Variants in ARSL observed in about 807,000 individuals in gnomAD.
ARSL encodes the protein arylsulfatase E (chondrodysplasia punctata 1).
ARSL carries 4 observed loss-of-function variants against 31.1 expected under a neutral mutation model. The observed-to-expected ratio is 0.13, with a 90% CI of 0.06 to 0.29. ARSL has a LOEUF of 0.29. ARSL is among the 10% of genes least tolerant of loss of function. The pLI, the probability that ARSL is intolerant of heterozygous loss-of-function variation, is 1.00. For missense variants in ARSL, 312 were observed against 497.8 expected, an observed-to-expected ratio of 0.63 and a Z score of 3.55; for synonymous variants, 198 against 209.9, an observed-to-expected ratio of 0.94 and a Z score of 0.49.
chrX:2,952,364 G>A (rs1000206108), intron 5 of ARSL, among the ~76,000 whole-genome samples: 9 of 110,417 alleles, frequency 8.2e-5, no homozygotes, highest in African/African-American at 2.6e-4. Flanking sequence ...ACAGGGTTTC[G>A]CCATGCTGCC....
intron 10 of ARSL, 114 bp downstream of exon 10, chrX:2,936,628 A>G: frequency 1.9e-6 from 2 of 1,025,835 alleles, no homozygotes; most frequent in Non-Finnish European, 2.7e-6. Context: ...GTGCGGAGAC[A>G]TGGAGATGGA....
chrX:2,958,768 C>T lies in ARSL; in HGVS notation c.24-333G>A, dbSNP rs749700969. On this transcript the variant is annotated intron_variant, in intron 2 of 10. Coordinates refer to ENST00000381134, the MANE Select transcript of ARSL (RefSeq NM_000047.3). ...TTGTGAGGCTGCAGCGGGTGGATTG[C>T]TTTACCACAGGAGTTCAAGACCAGC... is the stretch of plus-strand genomic sequence containing the variant. 1.1e-4 allele frequency among the ~76,000 whole-genome samples: 12 copies of T among 111,353 alleles called. No homozygotes were observed. In the South Asian group the frequency reaches 1.1e-3, roughly 11 times the overall value.
Position 2,935,199 on chromosome X carries a change from A to C in ARSL, c.1412-9T>G, listed in dbSNP as rs747645218. On this transcript the variant is annotated splice_polypyrimidine_tract_variant and intron_variant, in intron 10 of 10. Coordinates refer to ENST00000381134, the MANE Select transcript of ARSL (RefSeq NM_000047.3). ...TTTCCACATTGTTCCTCCTGGTGGA[A>C]AGATAATCATTACAGAGTTGGCATA... 8.3e-7 allele frequency: 1 copy of C among 1,206,865 alleles called. No individual in the cohort carries two copies. The highest frequency in any genetic ancestry group is 1.1e-6 in the Non-Finnish European group (1 of 891,208).
intron 6 of ARSL, among the ~76,000 whole-genome samples, chrX:2,946,815 A>G (rs1246131436): frequency 9.0e-6 from 1 of 110,846 alleles, no homozygotes; most frequent in Non-Finnish European, 1.9e-5. Flanking sequence ...GATCACAGGC[A>G]TGCACCACAA....
chrX:2,955,593 A>G (rs1035447341), intron 3 of ARSL, 56 bp from the exon 4 acceptor site: 35 of 1,176,785 alleles, frequency 3.0e-5, no homozygotes, highest in Non-Finnish European at 3.9e-5. Flanking sequence ...GCTTTTCATA[A>G]GCATAGCTAC....
At chrX:2,944,718 T>C (rs984978342) in intron 7 of ARSL, among the ~76,000 whole-genome samples, 1 of 109,865 alleles carries the variant, frequency 9.1e-6, no homozygotes, top group Non-Finnish European at 1.9e-5. Flanking sequence ...ATACAGGTGC[T>C]CACCCAGCCC....
intron 2 of ARSL, among the ~76,000 whole-genome samples, chrX:2,960,139 G>A (rs755758447): frequency 1.2e-5 from 1 of 86,738 alleles, no homozygotes; most frequent in South Asian, 6.1e-4. Context: ...CGTGGTGGCA[G>A]GCGCCTGTAG....
At chrX:2,939,864 CTTTTTTT>C (rs35373572) in intron 8 of ARSL, among the ~76,000 whole-genome samples, 1 of 55,413 alleles carries the variant, frequency 1.8e-5, no homozygotes, top group Non-Finnish European at 3.2e-5. Context: ...ACCCTTCTAC[CTTTTTTT>C]TTTTTTTTTT....
At chrX:2,945,110 G>A (rs1263929712) in intron 7 of ARSL, among the ~76,000 whole-genome samples, 1 of 111,149 alleles carries the variant, frequency 9.0e-6, no homozygotes, top group African/African-American at 3.3e-5. Context: ...GGGAGAAGAT[G>A]ATTGGGGAGG....
At chrX:2,958,486 T>C in intron 2 of ARSL, 51 bp from the exon 3 acceptor site, 3 of 1,180,606 alleles carry the variant, frequency 2.5e-6, no homozygotes, top group Non-Finnish European at 3.5e-6. Context: ...AGAACTTGTG[T>C]ATGGGGGAAG....
At chrX:2,938,039 C>G (rs182684120) in intron 9 of ARSL, 56 bp downstream of exon 9, 10 of 1,204,944 alleles carry the variant, frequency 8.3e-6, no homozygotes, top group Non-Finnish European at 1.1e-5. Context: ...GTTCATTTGC[C>G]ATAAGTGTTG....
chrX:2,965,040 A>C (rs139892778), upstream of ARSL, among the ~76,000 whole-genome samples: 1,065 of 109,732 alleles, frequency 9.7e-3, 16 homozygotes, highest in African/African-American at 0.033. Flanking sequence ...GGGAGGTTGA[A>C]GCTGCAGTTT....
In ARSL at chrX:2,949,322, A is replaced by G. The variant is rs1258981302; in HGVS notation, c.836T>C (p.Val279Ala). 8.3e-7 allele frequency: 1 copy of G among 1,209,199 alleles called. No homozygotes were observed. Among genetic ancestry groups the G allele is most frequent in the Non-Finnish European group, 1.1e-6 (1 of 895,135 alleles). Reference protein sequence around the residue: ...QRTTPLILQEVASFLKRNKHG... With the variant: ...QRTTPLILQEAASFLKRNKHG... ...TGCTGACCTTTTGAGAAAGGACGCA[A>G]CCTCCTGCAGAATAAGGGGTGTCGT... The change falls in exon 6 of 11, where the codon GTT becomes GCT. Residue 279 changes from valine (V) to alanine (A), a missense_variant. Coordinates refer to ENST00000381134, the MANE Select transcript of ARSL (RefSeq NM_000047.3).
chrX:2,949,459 C>A lies in ARSL; in HGVS notation c.699G>T (p.Ser233=), dbSNP rs765024303. 1 of 1,208,910 alleles carries A rather than the reference C, an allele frequency of 8.3e-7. No individual in the cohort carries two copies. The highest frequency in any genetic ancestry group is 1.8e-5 in the African/African-American group (1 of 56,854). The change falls in exon 6 of 11, where the codon TCG becomes TCT. Residue 233 remains serine, a synonymous_variant. Transcript: ENST00000381134. The part of the protein sequence containing the change: ...SWMPVIWSAL[S]AVLLLASSYF... ...AGGAGCTTGCGAGGAGGAGGACGGC[C>A]GAAAGGGCTGACCAGATGACCGGCA...
At chrX:2,948,313 C>A (rs1002442571) in intron 6 of ARSL, among the ~76,000 whole-genome samples, 4 of 111,262 alleles carry the variant, frequency 3.6e-5, no homozygotes, top group Admixed American at 1.9e-4. Flanking sequence ...ATTTTCCTTG[C>A]CATAAAATTG....
intron 10 of ARSL, among the ~76,000 whole-genome samples, chrX:2,935,413 G>A (rs991098909): frequency 1.8e-5 from 2 of 112,014 alleles, no homozygotes; most frequent in African/African-American, 3.2e-5. Flanking sequence ...AAAATACTAC[G>A]CTCAGAGAAA....
chrX:2,946,243 T>G, intron 6 of ARSL, 109 bp from the exon 7 acceptor site: 9 of 738,163 alleles, frequency 1.2e-5, no homozygotes, highest in Non-Finnish European at 1.8e-5. Flanking sequence ...CTCAAATGTC[T>G]TCTCAACTCT....
chrX:2,939,345 CT>C (rs2089249287), intron 8 of ARSL, among the ~76,000 whole-genome samples: 1 of 112,285 alleles, frequency 8.9e-6, no homozygotes, highest in Non-Finnish European at 1.9e-5. Flanking sequence ...GAACATTTCC[CT>C]GAGACACGTT....
chrX:2,965,086 C>CA (rs200693582), upstream of ARSL, among the ~76,000 whole-genome samples: 91 of 102,680 alleles, frequency 8.9e-4, no homozygotes, highest in African/African-American at 2.6e-3. Flanking sequence ...GACCCTGCCT[C>CA]AAAAAAAAAT....
Sources: gnomAD v4.1 joint callset for allele counts (sites outside exome capture counted in the v4.1 genomes callset) on GRCh38, gnomAD v4.1.1 for gene constraint, MANE v1.5 for transcripts, NCBI Gene and HGNC (gene_info 2026-07-23, HGNC 2026-07-21) for gene names.